CLIC4: variants seen among roughly 807,000 people sequenced by gnomAD.
CLIC4 encodes CLIC family member 4, also known as chloride intracellular channel protein 4.
CLIC4 carries 13 observed loss-of-function variants against 24.6 expected under a neutral mutation model. The observed-to-expected ratio is 0.53, with a 90% confidence interval of 0.34 to 0.84. CLIC4 has a LOEUF of 0.84. Among genes scored for constraint, CLIC4 ranks in the 40% least tolerant of loss-of-function variants. CLIC4 has a pLI of 0.01. For missense variants in CLIC4, 227 were observed against 301.7 expected, an observed-to-expected ratio of 0.75 and a Z score of 1.83; for synonymous variants, 104 against 111.3, an observed-to-expected ratio of 0.93 and a Z score of 0.41.
intron 4 of CLIC4, among the ~76,000 whole-genome samples, chr1:24,828,507 A>G (rs745807873): frequency 3.3e-5 from 5 of 152,016 alleles, no homozygotes; most frequent in Non-Finnish European, 5.9e-5. Flanking sequence ...TCATAAAACT[A>G]CCCTTTTATA....
intron 3 of CLIC4, among the ~76,000 whole-genome samples, chr1:24,818,194 G>A (rs957285957): frequency 6.6e-6 from 1 of 152,136 alleles, no homozygotes; most frequent in Non-Finnish European, 1.5e-5. Context: ...TGTAAAAAAC[G>A]TAATATCTGC....
intron 1 of CLIC4, among the ~76,000 whole-genome samples, chr1:24,746,218 A>T (rs1288789933): frequency 6.6e-6 from 1 of 152,020 alleles, no homozygotes; most frequent in Non-Finnish European, 1.5e-5. Context: ...GAGATTCCCA[A>T]CTTGTGTTTT....
chr1:24,798,197 C>T lies in CLIC4; in HGVS notation c.182+346C>T, dbSNP rs556451930. On this transcript the variant is annotated intron_variant, in intron 2 of 5. Transcript: ENST00000374379. ...TTCTAAGCAGACATCATCTTGGCCC[C>T]AAATGTGTTAAGCATGTGATCTTTA... Among the ~76,000 whole-genome samples, 13 of 152,260 alleles carry T rather than the reference C, an allele frequency of 8.5e-5. No homozygotes were observed. In the South Asian group the frequency reaches 2.7e-3, roughly 32 times the overall value.
chr1:24,748,357 T>G (rs1400227332), intron 1 of CLIC4, among the ~76,000 whole-genome samples: 1 of 152,112 alleles, frequency 6.6e-6, no homozygotes, highest in Non-Finnish European at 1.5e-5. Flanking sequence ...GTCACAGTTC[T>G]TTACTCCTTG....
intron 1 of CLIC4, among the ~76,000 whole-genome samples, chr1:24,772,146 C>G (rs1264393480): frequency 6.6e-6 from 1 of 151,986 alleles, no homozygotes; most frequent in Non-Finnish European, 1.5e-5. Context: ...ATTCTTTGAC[C>G]CGAAAGAATA....
chr1:24,760,373 AAAG>A (rs1192778627), intron 1 of CLIC4, among the ~76,000 whole-genome samples: 1 of 152,110 alleles, frequency 6.6e-6, no homozygotes, highest in Non-Finnish European at 1.5e-5. Flanking sequence ...AAAAAAGAAA[AAAG>A]AAAAAGAAAA....
At chr1:24,831,136 G>A (rs1056808573) in intron 4 of CLIC4, among the ~76,000 whole-genome samples, 2 of 152,118 alleles carry the variant, frequency 1.3e-5, no homozygotes, top group Admixed American at 6.5e-5. Flanking sequence ...GTCAGGTATA[G>A]CAATTCGACT....
At chr1:24,819,907 T>A (rs577021514) in intron 3 of CLIC4, among the ~76,000 whole-genome samples, 4 of 144,994 alleles carry the variant, frequency 2.8e-5, no homozygotes, top group African/African-American at 1.0e-4. Flanking sequence ...GCCCTGCTAA[T>A]TTTTTTTGTA....
chr1:24,796,626 A>G (rs989849644), intron 1 of CLIC4, among the ~76,000 whole-genome samples: 2 of 152,240 alleles, frequency 1.3e-5, no homozygotes, highest in African/African-American at 2.4e-5. Context: ...GCAATAGGCT[A>G]TACCATGTAG....
Position 24,840,933 on chromosome 1 carries a change from A to G in CLIC4, c.758A>G (p.Lys253Arg). ...AYSDVAKRLT[K>R] is the part of the protein sequence containing the mutation. ...AGTGATGTAGCCAAAAGACTCACCA[A>G]GTAAAATCGCGTTTGTAAAAGAGAT... Residue 253 changes from lysine to arginine, a missense_variant, in exon 6 of 6, where the codon AAG becomes AGG. Coordinates refer to ENST00000374379, the MANE Select transcript of CLIC4 (RefSeq NM_013943.3). 1 of 1,584,604 alleles carries G rather than the reference A, an allele frequency of 6.3e-7. No individual in the cohort carries two copies. The highest frequency in any genetic ancestry group is 1.2e-5 in the South Asian group (1 of 85,452).
intron 5 of CLIC4, among the ~76,000 whole-genome samples, chr1:24,840,363 T>C (rs1201872885): frequency 1.3e-5 from 2 of 152,190 alleles, no homozygotes; most frequent in African/African-American, 4.8e-5. Flanking sequence ...GCTTTCTCTA[T>C]TGAAGGCAAA....
chr1:24,793,326 T>C (rs1379109948), intron 1 of CLIC4: 2 of 152,230 alleles, frequency 1.3e-5, no homozygotes, highest in East Asian at 1.9e-4. Context: ...CAGTTTGTTA[T>C]ATAGTAGGAT....
intron 2 of CLIC4, among the ~76,000 whole-genome samples, chr1:24,802,220 G>A (rs868417114): frequency 2.0e-5 from 3 of 152,162 alleles, no homozygotes; most frequent in African/African-American, 7.2e-5. Context: ...GGTCAGAAAA[G>A]GAAGTAAACC....
intron 1 of CLIC4, among the ~76,000 whole-genome samples, chr1:24,796,678 C>T (rs928430933): frequency 2.0e-5 from 3 of 152,184 alleles, no homozygotes; most frequent in Admixed American, 6.5e-5. Context: ...TTTGTGTCAG[C>T]ATACCCTGTG....
intron 1 of CLIC4, among the ~76,000 whole-genome samples, chr1:24,779,496 G>T (rs1639179014): frequency 3.3e-5 from 5 of 151,966 alleles, no homozygotes; most frequent in Admixed American, 3.3e-4. Flanking sequence ...ATAATCTCCT[G>T]TCCCTACCTC....
chr1:24,756,781 C>T (rs1557794301), intron 1 of CLIC4, among the ~76,000 whole-genome samples: 1 of 151,896 alleles, frequency 6.6e-6, no homozygotes, highest in Non-Finnish European at 1.5e-5. Flanking sequence ...AGTGCAGTGG[C>T]GTGATCTTGG....
intron 1 of CLIC4, among the ~76,000 whole-genome samples, chr1:24,780,772 G>A (rs1346142574): frequency 1.3e-5 from 2 of 152,176 alleles, no homozygotes; most frequent in Non-Finnish European, 2.9e-5. Context: ...GATGACATCA[G>A]AGTTTGAGAA....
At chr1:24,775,371 G>A (rs1056897806) in intron 1 of CLIC4, among the ~76,000 whole-genome samples, 7 of 149,998 alleles carry the variant, frequency 4.7e-5, no homozygotes, top group Admixed American at 2.0e-4. Context: ...GTTATTTCTT[G>A]AAATATTTTT....
At chr1:24,837,247 A>G (rs1557816652) in intron 4 of CLIC4, among the ~76,000 whole-genome samples, 1 of 152,208 alleles carries the variant, frequency 6.6e-6, no homozygotes, top group Non-Finnish European at 1.5e-5. Flanking sequence ...GAGGATTGCT[A>G]CAGATCTTAC....
Sources: gnomAD v4.1 joint callset for allele counts (sites outside exome capture counted in the v4.1 genomes callset) on GRCh38, gnomAD v4.1.1 for gene constraint, MANE v1.5 for transcripts, NCBI Gene and HGNC (gene_info 2026-07-23, HGNC 2026-07-21) for gene names.